MIOS: variants seen among roughly 807,000 people sequenced by gnomAD.
MIOS encodes the protein GATOR2 complex protein MIOS.
Under a neutral mutation model 96.9 loss-of-function variants are expected in MIOS, and 52 were observed. The ratio of observed to expected loss-of-function variants is 0.54; its 90% CI spans 0.43 to 0.68. MIOS has a LOEUF of 0.68. MIOS is among the 30% of genes least tolerant of loss of function. MIOS has a pLI of 0.00. For missense variants in MIOS, 1,005 were observed against 1,052.8 expected (o/e 0.95, Z 0.63); for synonymous variants, 397 against 359.5 (o/e 1.10, Z -1.18).
At chr7:7,587,178 T>C (rs1783915262) in intron 7 of MIOS, among the ~76,000 whole-genome samples, 1 of 151,930 alleles carries the variant, frequency 6.6e-6, no homozygotes, top group African/African-American at 2.4e-5. Context: ...GCCGGCTAAT[T>C]TTTGTATTTT....
At position 7,573,274 on chromosome 7, in the gene MIOS, C is replaced by A. The variant is rs1190638705; in HGVS notation, c.799C>A (p.Pro267Thr). Residue 267 changes from proline to threonine, a missense_variant, in exon 4 of 13, where the codon CCA (proline) becomes ACA (threonine). Coordinates refer to ENST00000340080, the MANE Select transcript of MIOS (RefSeq NM_019005.4). This position sits in a 1 kb window ranked among gnomAD's most constrained non-coding sequence, Gnocchi z 5.0. ...EKPVLTLTEQ[P>T]KPLTKVAWCP... Reference sequence around the variant, plus strand: ...GCCAGTTTTGACATTGACTGAGCAACCAAAACCCTTAACAAAAGTAGCATG... The same window carrying A: ...GCCAGTTTTGACATTGACTGAGCAAACAAAACCCTTAACAAAAGTAGCATG... The A allele has an allele frequency of 5.6e-6, 9 of 1,614,080 alleles. No homozygotes were observed. Among genetic ancestry groups the A allele is most frequent in the Non-Finnish European group, 7.6e-6 (9 of 1,179,982 alleles).
At chr7:7,596,200 T>C in intron 10 of MIOS, 57 bp from the exon 11 acceptor site, 3 of 1,466,366 alleles carry the variant, frequency 2.0e-6, no homozygotes, top group South Asian at 1.2e-5. Context: ...CACTAAGTTA[T>C]TTAGCATTCC....
intron 6 of MIOS, among the ~76,000 whole-genome samples, chr7:7,583,695 A>G (rs979659675): frequency 6.6e-6 from 1 of 152,126 alleles, no homozygotes; most frequent in Non-Finnish European, 1.5e-5. Flanking sequence ...ATTTTCTTAA[A>G]GATTAGGGCT....
chr7:7,592,285 G>A (rs1375512818), intron 9 of MIOS, among the ~76,000 whole-genome samples: 2 of 152,186 alleles, frequency 1.3e-5, no homozygotes, highest in Non-Finnish European at 2.9e-5. Flanking sequence ...CGCTGTGCCT[G>A]GCCCAGATTT....
rs1335822524 is a variant in MIOS, at chr7:7,573,447, C to T, written c.972C>T (p.Tyr324=). ...IERSVQPCDN[Y]IASFAWHPTS... ...GAAGTGTGCAACCTTGTGACAATTA[C>T]ATTGCTTCCTTTGCGTGGCATCCAA... Residue 324 remains tyrosine (Y), a synonymous_variant, in exon 4 of 13, where the codon TAC becomes TAT. Coordinates refer to ENST00000340080, the MANE Select transcript of MIOS (RefSeq NM_019005.4). This position sits in a 1 kb window ranked among gnomAD's most constrained non-coding sequence, Gnocchi z 5.0. 1.9e-6 allele frequency: 3 copies of T among 1,614,114 alleles called. No homozygotes were observed. The highest frequency in any genetic ancestry group is 2.5e-6 in the Non-Finnish European group (3 of 1,179,948).
intron 5 of MIOS, among the ~76,000 whole-genome samples, chr7:7,579,561 A>C (rs1783645097): frequency 6.6e-6 from 1 of 152,234 alleles, no homozygotes. Context: ...TATAAAGCAG[A>C]GGTGTCCAAT....
intron 11 of MIOS, chr7:7,605,270 A>G (rs1251837994): frequency 1.3e-5 from 2 of 151,702 alleles, no homozygotes; most frequent in Non-Finnish European, 2.9e-5. Flanking sequence ...GGGCTTGTAC[A>G]GATGAGAATT....
intron 11 of MIOS, among the ~76,000 whole-genome samples, chr7:7,600,647 A>G (rs1317912978): frequency 6.6e-6 from 1 of 152,194 alleles, no homozygotes; most frequent in Non-Finnish European, 1.5e-5. Flanking sequence ...TGTCAACATT[A>G]GACAGATCAA....
intron 3 of MIOS, among the ~76,000 whole-genome samples, chr7:7,569,516 T>G (rs1163147422): frequency 6.6e-6 from 1 of 152,222 alleles, no homozygotes; most frequent in Non-Finnish European, 1.5e-5. Context: ...AACTTGGAGA[T>G]AGCAGTTGTG....
Position 7,607,128 on chromosome 7 carries a change from A to T in MIOS, c.*36A>T, listed in dbSNP as rs1784555344. 1.3e-6 allele frequency: 2 copies of T among 1,522,936 alleles called. No individual in the cohort carries two copies. Among genetic ancestry groups the T allele is most frequent in the East Asian group, 2.3e-5 (1 of 44,114 alleles). 94.3% of individuals were successfully genotyped at this position (1,522,936 alleles called of 1,614,324 possible). On this transcript the variant is annotated 3_prime_UTR_variant, in exon 13 of 13. Transcript: ENST00000340080. ...CCTTAAGAGAACCCTTCAAGTGTGG[A>T]GCTTTCTAGTAGGTGTCCTTCATAG...
chr7:7,601,637 A>T (rs1296070693), intron 11 of MIOS, among the ~76,000 whole-genome samples: 1 of 152,246 alleles, frequency 6.6e-6, no homozygotes, highest in Non-Finnish European at 1.5e-5. Context: ...GAACTCTACC[A>T]GAGGTACAAG....
chr7:7,593,279 G>A (rs1414884141), intron 9 of MIOS, among the ~76,000 whole-genome samples: 1 of 152,132 alleles, frequency 6.6e-6, no homozygotes, highest in Non-Finnish European at 1.5e-5. Flanking sequence ...TGTAAGCTAT[G>A]TGTTTCACAT....
At chr7:7,569,635 C>G (rs1249505043) in intron 3 of MIOS, among the ~76,000 whole-genome samples, 2 of 152,126 alleles carry the variant, frequency 1.3e-5, no homozygotes, top group Non-Finnish European at 2.9e-5. Context: ...AATGGAACAC[C>G]AAAAATACTT....
chr7:7,572,313 T>G lies in MIOS; in HGVS notation c.-40-123T>G, dbSNP rs1435845929. On this transcript the variant is annotated intron_variant, in intron 3 of 12. Transcript: ENST00000340080. The surrounding 1 kb of genome is among the most constrained non-coding windows in gnomAD (Gnocchi z 4.8). ...ATTCATAGCAGATAGAGAGAAGAAA[T>G]ACAAATATATTGAAAAAGAGGGTTC... 2.0e-6 allele frequency: 1 copy of G among 489,724 alleles called. No individual in the cohort carries two copies. Among genetic ancestry groups the G allele is most frequent in the Non-Finnish European group, 3.6e-6 (1 of 280,962 alleles). 30.3% of individuals were successfully genotyped at this position (489,724 alleles called of 1,614,324 possible).
intron 9 of MIOS, among the ~76,000 whole-genome samples, chr7:7,593,965 GA>G (rs1464058148): frequency 6.6e-6 from 1 of 151,754 alleles, no homozygotes; most frequent in East Asian, 1.9e-4. Context: ...AGCTGCCAGG[GA>G]AAATACAACT....
chr7:7,593,887 A>AG (rs1784121864), intron 9 of MIOS, among the ~76,000 whole-genome samples: 1 of 104,122 alleles, frequency 9.6e-6, no homozygotes, highest in African/African-American at 3.6e-5. Flanking sequence ...TCCAAAAAAA[A>AG]AAAAAAAAGA....
chr7:7,582,654 A>C (rs192162270), intron 5 of MIOS: 4 of 976,748 alleles, frequency 4.1e-6, no homozygotes, highest in Non-Finnish European at 4.9e-6. Flanking sequence ...AAGCAAGATC[A>C]CTTCTACTGG....
intron 5 of MIOS, among the ~76,000 whole-genome samples, chr7:7,577,020 C>T (rs567981248): frequency 1.3e-5 from 2 of 152,180 alleles, no homozygotes; most frequent in African/African-American, 2.4e-5. Context: ...TAGGTAGAGA[C>T]GTCCATTGGG....
chr7:7,597,486 AT>A (rs1563040853), intron 11 of MIOS, among the ~76,000 whole-genome samples: 2,780 of 57,260 alleles, frequency 0.049, 449 homozygotes, highest in African/African-American at 0.11. Flanking sequence ...ATATATATAT[AT>A]ATATATATAT....
Sources: gnomAD v4.1 joint callset for allele counts (sites outside exome capture counted in the v4.1 genomes callset) on GRCh38, gnomAD v4.1.1 for gene constraint, Gnocchi (gnomAD v3.1) non-coding constraint, MANE v1.5 for transcripts, NCBI Gene and HGNC (gene_info 2026-07-23, HGNC 2026-07-21) for gene names.